Variants in CCBE1 observed in about 807,000 individuals in gnomAD.
The protein encoded by CCBE1 is collagen and calcium binding EGF domains 1, also known as collagen and calcium-binding EGF domain-containing protein 1.
A neutral mutation model predicts 50.0 loss-of-function variants in CCBE1; 37 were observed. The ratio of observed to expected loss-of-function variants is 0.74; its 90% CI spans 0.57 to 0.97. CCBE1 has a LOEUF of 0.97. CCBE1 is among the 50% of genes least tolerant of loss of function. The pLI is 0.00. For synonymous variants in CCBE1, 234 were observed against 203.7 expected, an observed-to-expected ratio of 1.15 and a Z score of -1.27; for missense variants, 538 against 523.8, an observed-to-expected ratio of 1.03 and a Z score of -0.26.
intron 2 of CCBE1, among the ~76,000 whole-genome samples, chr18:59,504,392 T>G (rs1913772847): frequency 6.6e-6 from 1 of 152,072 alleles, no homozygotes; most frequent in Non-Finnish European, 1.5e-5. Flanking sequence ...TCCTTTTTTT[T>G]TTTTTTTTTA....
At chr18:59,693,075 C>T (rs1002888735) in intron 2 of CCBE1, among the ~76,000 whole-genome samples, 1 of 151,914 alleles carries the variant, frequency 6.6e-6, no homozygotes, top group Non-Finnish European at 1.5e-5. Context: ...TCAGTTGGAG[C>T]GAGCATACCC....
chr18:59,657,689 G>A (rs1288425357), intron 2 of CCBE1, among the ~76,000 whole-genome samples: 2 of 152,116 alleles, frequency 1.3e-5, no homozygotes, highest in Non-Finnish European at 2.9e-5. Flanking sequence ...CCAGGAGTTC[G>A]AGACCAGACT....
chr18:59,490,435 T>A (rs1172131629), intron 2 of CCBE1, among the ~76,000 whole-genome samples: 1 of 141,346 alleles, frequency 7.1e-6, no homozygotes, highest in East Asian at 1.9e-4. Context: ...TGAGCATGAA[T>A]TGATTTTGTA....
At chr18:59,640,196 A>G (rs548874154) in intron 2 of CCBE1, among the ~76,000 whole-genome samples, 1 of 152,326 alleles carries the variant, frequency 6.6e-6, no homozygotes, top group Admixed American at 6.5e-5. Context: ...CTAAACAAAA[A>G]GAATAGAGAT....
In CCBE1 at chr18:59,436,192, T is replaced by G. The variant is rs775721120; in HGVS notation, c.988-51A>C. On this transcript the variant is annotated intron_variant, in intron 10 of 10. Coordinates refer to ENST00000439986, the MANE Select transcript of CCBE1 (RefSeq NM_133459.4). ...TAGAATACGACAGACAGCAATGGCC[T>G]CCGGGGCTCCATGACTTGACCTGCT... is the stretch of plus-strand genomic sequence containing the variant. 5 of 1,524,836 alleles carry G rather than the reference T, an allele frequency of 3.3e-6. No individual in the cohort carries two copies. The South Asian group carries it at 5.6e-5, about 17-fold the overall frequency. The allele number at this position is 1,524,836 out of a possible 1,614,324, so 94.5% of individuals were successfully genotyped here.
At chr18:59,649,002 C>G (rs1290749835) in intron 2 of CCBE1, among the ~76,000 whole-genome samples, 5 of 152,216 alleles carry the variant, frequency 3.3e-5, no homozygotes, top group Middle Eastern at 3.2e-3. Flanking sequence ...ACGCTTCAAA[C>G]TAACTGCAGG....
chr18:59,516,601 CT>C (rs374632528), intron 2 of CCBE1, among the ~76,000 whole-genome samples: 6 of 152,308 alleles, frequency 3.9e-5, no homozygotes, highest in African/African-American at 1.4e-4. Context: ...TGTTTACCTC[CT>C]GTTATGACTC....
chr18:59,696,826 G>T, intron 1 of CCBE1, 117 bp from the exon 2 acceptor site: 1 of 1,123,636 alleles, frequency 8.9e-7, no homozygotes, highest in Non-Finnish European at 1.3e-6. Context: ...CGGCGCTCTG[G>T]GCAGGGGCTG....
chr18:59,621,871 C>G (rs897167721), intron 2 of CCBE1, among the ~76,000 whole-genome samples: 2 of 152,216 alleles, frequency 1.3e-5, no homozygotes, highest in Non-Finnish European at 1.5e-5. Context: ...CACTCGGGAG[C>G]CTGCTGCACA....
intron 2 of CCBE1, among the ~76,000 whole-genome samples, chr18:59,678,473 AACAG>A (rs1319310215): frequency 1.6e-4 from 25 of 152,224 alleles, no homozygotes; most frequent in African/African-American, 6.0e-4. Flanking sequence ...GAATATTAAG[AACAG>A]ACAGACTATG....
intron 2 of CCBE1, among the ~76,000 whole-genome samples, chr18:59,517,171 T>C (rs1428932025): frequency 6.6e-6 from 1 of 152,232 alleles, no homozygotes; most frequent in African/African-American, 2.4e-5. Flanking sequence ...TTCTATTTTC[T>C]CATTTTTGAA....
At chr18:59,670,794 A>G (rs2054420314) in intron 2 of CCBE1, among the ~76,000 whole-genome samples, 2 of 152,070 alleles carry the variant, frequency 1.3e-5, no homozygotes, top group South Asian at 4.2e-4. Context: ...CCAAAAATAC[A>G]AAAATTAGAT....
chr18:59,624,290 C>T (rs1032045966), intron 2 of CCBE1, among the ~76,000 whole-genome samples: 4 of 152,188 alleles, frequency 2.6e-5, no homozygotes, highest in African/African-American at 9.7e-5. Flanking sequence ...GTGACATAAC[C>T]ATTCCAAGGT....
chr18:59,547,962 A>G (rs1915772193), intron 2 of CCBE1, among the ~76,000 whole-genome samples: 1 of 152,236 alleles, frequency 6.6e-6, no homozygotes, highest in African/African-American at 2.4e-5. Context: ...TTTTACTTTC[A>G]CACACTGCAC....
At chr18:59,445,385 T>C (rs76962208) in intron 7 of CCBE1, among the ~76,000 whole-genome samples, 20,123 of 152,154 alleles carry the variant, frequency 0.13, 1,477 homozygotes, top group African/African-American at 0.19. Context: ...TGTTTTTTAC[T>C]AAGTGATTGC....
rs1405817334 is a variant in CCBE1, at chr18:59,439,703, T to C, written c.889A>G (p.Ile297Val). 1.2e-6 allele frequency: 2 copies of C among 1,614,258 alleles called. No individual in the cohort carries two copies. The highest frequency in any genetic ancestry group is 1.7e-6 in the Non-Finnish European group (2 of 1,180,042). Residue 297 changes from isoleucine (I) to valine (V), a missense_variant, in exon 8 of 11, where the codon ATT (isoleucine) becomes GTT (valine). Coordinates refer to ENST00000439986, the MANE Select transcript of CCBE1 (RefSeq NM_133459.4). ...PMGPSPDLSH[I>V]KQGRRGPVGP... Reference sequence around the variant, plus strand: ...ACAGGGCCCCTCCGGCCTTGCTTAATGTGGGACAGATCAGGAGATGGTCCC... The same window carrying C: ...ACAGGGCCCCTCCGGCCTTGCTTAACGTGGGACAGATCAGGAGATGGTCCC...
intron 2 of CCBE1, among the ~76,000 whole-genome samples, chr18:59,566,877 A>G (rs1414406577): frequency 1.3e-5 from 2 of 152,176 alleles, no homozygotes; most frequent in African/African-American, 2.4e-5. Flanking sequence ...AAAGCCTCAG[A>G]AGACATTGTG....
chr18:59,697,445 C>G (rs573237681), upstream of CCBE1: 54 of 1,460,026 alleles, frequency 3.7e-5, no homozygotes, highest in African/African-American at 7.5e-4. Flanking sequence ...CAGGGGGCGC[C>G]GGAGAGCAGG....
chr18:59,508,774 T>G (rs902021149), intron 2 of CCBE1, among the ~76,000 whole-genome samples: 2 of 143,302 alleles, frequency 1.4e-5, no homozygotes, highest in African/African-American at 5.3e-5. Flanking sequence ...TGAAGTGCAG[T>G]AGGGCCATCA....
Sources: gnomAD v4.1 joint callset for allele counts (sites outside exome capture counted in the v4.1 genomes callset) on GRCh38, gnomAD v4.1.1 for gene constraint, MANE v1.5 for transcripts, NCBI Gene and HGNC (gene_info 2026-07-23, HGNC 2026-07-21) for gene names.